The following LMBR1 variants were observed in gnomAD, a reference collection of about 807,000 sequenced individuals.
The protein encoded by LMBR1 is limb development membrane protein 1, also known as limb region 1 protein homolog.
Under a neutral mutation model 73.9 loss-of-function variants are expected in LMBR1, and 52 were observed. The observed-to-expected ratio is 0.70, with a 90% CI of 0.56 to 0.89. The LOEUF (loss-of-function observed/expected upper bound fraction) is 0.89, where lower values mean the gene tolerates loss of function less well. Among genes scored for constraint, LMBR1 ranks in the 40% least tolerant of loss-of-function variants. LMBR1 has a pLI of 0.00. For synonymous variants in LMBR1, 215 were observed against 209.4 expected (o/e 1.03, Z -0.23); for missense variants, 539 against 579.8 (o/e 0.93, Z 0.72).
chr7:156,711,151 A>C (rs1398194624), intron 15 of LMBR1, among the ~76,000 whole-genome samples: 2 of 152,196 alleles, frequency 1.3e-5, no homozygotes, highest in East Asian at 1.9e-4. Flanking sequence ...TCTACTAAAA[A>C]TACAAAAAAT....
chr7:156,692,777 C>G (rs1470210338), intron 15 of LMBR1, among the ~76,000 whole-genome samples: 1 of 152,178 alleles, frequency 6.6e-6, no homozygotes, highest in African/African-American at 2.4e-5. Context: ...TGGCAGACAA[C>G]TGACCAGTGT....
At chr7:156,739,033 C>T (rs981814776) in intron 9 of LMBR1, among the ~76,000 whole-genome samples, 13 of 152,180 alleles carry the variant, frequency 8.5e-5, no homozygotes, top group Non-Finnish European at 1.9e-4. Flanking sequence ...TTGGGGCCCC[C>T]GAAACCAGGC....
chr7:156,743,521 T>C (rs984042102), intron 9 of LMBR1, among the ~76,000 whole-genome samples: 5 of 152,084 alleles, frequency 3.3e-5, no homozygotes, highest in African/African-American at 1.2e-4. Flanking sequence ...TCAAAGAGGA[T>C]TTTCCAGCAG....
intron 1 of LMBR1, among the ~76,000 whole-genome samples, chr7:156,842,618 C>T (rs952744198): frequency 1.5e-4 from 23 of 152,168 alleles, no homozygotes; most frequent in African/African-American, 5.6e-4. Flanking sequence ...TGACATACAA[C>T]TGAGTTTTTG....
At chr7:156,737,686 G>T (rs1818131627) in intron 9 of LMBR1, among the ~76,000 whole-genome samples, 1 of 145,406 alleles carries the variant, frequency 6.9e-6, no homozygotes, top group Admixed American at 6.8e-5. Flanking sequence ...AAATTTCAAG[G>T]ATCCTTTTCT....
chr7:156,779,704 A>G lies in LMBR1; in HGVS notation c.424-15909T>C, dbSNP rs1419221568. 34 of 1,285,878 alleles carry G rather than the reference A, an allele frequency of 2.6e-5. No homozygotes were observed. The East Asian group carries it at 1.7e-3, about 63-fold the overall frequency. The allele number at this position is 1,285,878 out of a possible 1,614,324, so 79.7% of individuals were successfully genotyped here. ...TGTTTCTATGGTGATGAACATTTAAACAAGGTTTTGCCTGGACATCTTGCC... is the reference window on the plus strand; with the variant it reads ...TGTTTCTATGGTGATGAACATTTAAGCAAGGTTTTGCCTGGACATCTTGCC... On this transcript the variant is annotated intron_variant, in intron 5 of 16. Coordinates refer to ENST00000353442, the MANE Select transcript of LMBR1 (RefSeq NM_022458.4).
chr7:156,877,680 G>A (rs1041582061), intron 1 of LMBR1, among the ~76,000 whole-genome samples: 6 of 152,010 alleles, frequency 3.9e-5, no homozygotes, highest in South Asian at 2.1e-4. Context: ...TCAGGAGATC[G>A]AGACCATTCT....
At chr7:156,818,435 A>T (rs1004048007) in intron 4 of LMBR1, among the ~76,000 whole-genome samples, 1 of 152,250 alleles carries the variant, frequency 6.6e-6, no homozygotes, top group East Asian at 1.9e-4. Context: ...TGGACAGCTT[A>T]GCCAAAATTG....
At chr7:156,857,266 GAC>G (rs1797102896) in intron 1 of LMBR1, among the ~76,000 whole-genome samples, 1 of 152,128 alleles carries the variant, frequency 6.6e-6, no homozygotes, top group African/African-American at 2.4e-5. Context: ...AGTATTTTAA[GAC>G]AGATTAAAAG....
intron 5 of LMBR1, among the ~76,000 whole-genome samples, chr7:156,766,982 A>G (rs1250487046): frequency 6.6e-6 from 1 of 152,176 alleles, no homozygotes; most frequent in East Asian, 1.9e-4. Context: ...TGTCATTACA[A>G]ATTTGGTTGA....
intron 15 of LMBR1, among the ~76,000 whole-genome samples, chr7:156,716,200 G>A (rs1265805468): frequency 2.0e-5 from 3 of 152,166 alleles, no homozygotes; most frequent in Non-Finnish European, 4.4e-5. Context: ...ACACCTTCAC[G>A]TGTGATGCAG....
At position 156,670,882 on chromosome 7, in the gene LMBR1, G is replaced by A. The variant is rs551012779; in HGVS notation, n.867-1595C>T. Among the ~76,000 whole-genome samples the A allele has an allele frequency of 6.6e-6, 1 of 152,354 alleles. No homozygotes were observed. On this transcript the variant is annotated intron_variant and non_coding_transcript_variant, in intron 4 of 4. Transcript: ENST00000430825. The surrounding 1 kb of genome is among the most constrained non-coding windows in gnomAD (Gnocchi z 4.3). The stretch of plus-strand genomic sequence containing the variant: ...GAAAATGGCCCCAGACGGGAAATCT[G>A]AGATGTCAGTGGTAAAAATGTGAGT...
At chr7:156,783,654 T>C (rs986205086) in intron 5 of LMBR1, among the ~76,000 whole-genome samples, 1 of 152,232 alleles carries the variant, frequency 6.6e-6, no homozygotes, top group African/African-American at 2.4e-5. Context: ...CCCAGCATCC[T>C]TGTTAAATTT....
intron 1 of LMBR1, among the ~76,000 whole-genome samples, chr7:156,889,866 G>GT (rs775033038): frequency 6.6e-6 from 1 of 152,112 alleles, no homozygotes; most frequent in Non-Finnish European, 1.5e-5. Context: ...GTGCACACCT[G>GT]TATGATTCAA....
rs1343533125 is a variant in LMBR1 at position 156,685,147 on chromosome 7, T to G, written c.1388-984A>C. 6.6e-6 allele frequency among the ~76,000 whole-genome samples: 1 copy of G among 152,186 alleles called. No individual in the cohort carries two copies. Among genetic ancestry groups the G allele is most frequent in the African/African-American group, 2.4e-5 (1 of 41,454 alleles). ...CACTACCCAAAGGTATTTCACAGAATAAAAAACTATCACTATCTTTTAAAG... is the reference window on the plus strand; with the variant it reads ...CACTACCCAAAGGTATTTCACAGAAGAAAAAACTATCACTATCTTTTAAAG... On this transcript the variant is annotated intron_variant, in intron 16 of 16. Transcript: ENST00000353442. This position sits in a 1 kb window ranked among gnomAD's most constrained non-coding sequence, Gnocchi z 4.1.
At position 156,881,495 on chromosome 7, in the gene LMBR1, T is replaced by C. The variant is rs957794756; in HGVS notation, c.66+11433A>G. ...ACAAAAATATGTAAGTGGGAATACA[T>C]AAAACTAAAAAGTTTCTGTACAGCA... is the stretch of plus-strand genomic sequence containing the variant. On this transcript the variant is annotated intron_variant, in intron 1 of 16. Transcript: ENST00000353442. Among the ~76,000 whole-genome samples, 5 of 152,130 alleles carry C rather than the reference T, an allele frequency of 3.3e-5. No individual in the cohort carries two copies. In the South Asian group the frequency reaches 6.2e-4, roughly 19 times the overall value.
At chr7:156,833,238 C>T (rs982087959) in intron 3 of LMBR1, among the ~76,000 whole-genome samples, 13 of 152,200 alleles carry the variant, frequency 8.5e-5, no homozygotes, top group African/African-American at 2.9e-4. Flanking sequence ...TGCAATTTCA[C>T]ATTTAAACAA....
chr7:156,806,523 G>T (rs1832112212), intron 4 of LMBR1, among the ~76,000 whole-genome samples: 2 of 138,930 alleles, frequency 1.4e-5, no homozygotes, highest in African/African-American at 2.7e-5. Context: ...TCCTTGCCTT[G>T]TTCCTGATCT....
In LMBR1 at chr7:156,836,368, T is replaced by A. The variant is rs117970627; in HGVS notation, c.139+445A>T. 2.6e-5 allele frequency among the ~76,000 whole-genome samples: 4 copies of A among 152,218 alleles called. No homozygotes were observed. In the East Asian group the frequency reaches 7.7e-4, roughly 29 times the overall value. Reference sequence around the variant, plus strand: ...GTCCCTCTGGCTGGATAAGGATATATGTGAAAGAATAAAAAGATAATACAA... The same window carrying A: ...GTCCCTCTGGCTGGATAAGGATATAAGTGAAAGAATAAAAAGATAATACAA... On this transcript the variant is annotated intron_variant, in intron 2 of 16. Transcript: ENST00000353442.
Sources: gnomAD v4.1 joint callset for allele counts (sites outside exome capture counted in the v4.1 genomes callset) on GRCh38, gnomAD v4.1.1 for gene constraint, Gnocchi (gnomAD v3.1) non-coding constraint, MANE v1.5 for transcripts, NCBI Gene and HGNC (gene_info 2026-07-23, HGNC 2026-07-21) for gene names.